The following NAALADL2 variants were observed in gnomAD, a reference collection of about 807,000 sequenced individuals.
NAALADL2 encodes the protein inactive N-acetylated-alpha-linked acidic dipeptidase-like protein 2.
In NAALADL2, 76 loss-of-function variants were observed where a neutral mutation model predicts 87.2. The observed-to-expected ratio is 0.87, with a 90% CI of 0.72 to 1.05. The LOEUF is 1.05. Ranked by LOEUF, NAALADL2 falls within the 50% of genes least tolerant of loss-of-function variation. The probability of loss-of-function intolerance (pLI) is 0.00; values close to 1 mark genes in which losing one functional copy is unlikely to be tolerated. For missense variants in NAALADL2, 1,089 were observed against 945.8 expected, an observed-to-expected ratio of 1.15 and a Z score of -1.99; for synonymous variants, 354 against 331.0, an observed-to-expected ratio of 1.07 and a Z score of -0.75.
At chr3:175,163,387 A>G (rs1733520298) in intron 2 of NAALADL2, among the ~76,000 whole-genome samples, 1 of 152,030 alleles carries the variant, frequency 6.6e-6, no homozygotes, top group African/African-American at 2.4e-5. Flanking sequence ...GTTATAAAGT[A>G]GTTGTTTGCA....
chr3:175,062,266 G>A (rs950892430), intron 1 of NAALADL2, among the ~76,000 whole-genome samples: 2 of 152,138 alleles, frequency 1.3e-5, no homozygotes, highest in African/African-American at 4.8e-5. Flanking sequence ...ATCCTGACAG[G>A]ATTATTGATA....
chr3:175,784,894 G>A (rs374757169), intron 13 of NAALADL2, among the ~76,000 whole-genome samples: 2 of 111,352 alleles, frequency 1.8e-5, no homozygotes, highest in Admixed American at 8.6e-5. Context: ...AGAGATTCTG[G>A]TATGTTGTGT....
At chr3:175,551,166 A>C (rs535024404) in intron 9 of NAALADL2, among the ~76,000 whole-genome samples, 1 of 152,058 alleles carries the variant, frequency 6.6e-6, no homozygotes, top group South Asian at 2.1e-4. Context: ...TGGCTAAGCT[A>C]CAGGCAATAC....
intron 2 of NAALADL2, among the ~76,000 whole-genome samples, chr3:174,597,562 C>T (rs760109753): frequency 2.0e-5 from 3 of 152,132 alleles, no homozygotes; most frequent in Non-Finnish European, 4.4e-5. Context: ...TTCTAGTGAG[C>T]CTTTCCATAT....
rs141504557 is a variant in NAALADL2 at position 175,068,761 on chromosome 3, G to A, written c.44-28029G>A. On this transcript the variant is annotated intron_variant, in intron 1 of 13. Transcript: ENST00000454872. Reference sequence around the variant, plus strand: ...ATTTATTGGTTTGTAAACATTGGTCGAGTTATATTTTAACTCAATAAATAA... The same window carrying A: ...ATTTATTGGTTTGTAAACATTGGTCAAGTTATATTTTAACTCAATAAATAA... 1.5e-3 allele frequency among the ~76,000 whole-genome samples: 232 copies of A among 152,142 alleles called. 1 individual carries two copies. The highest frequency in any genetic ancestry group is 5.1e-3 in the African/African-American group (211 of 41,518).
chr3:175,793,044 C>T (rs746019045), intron 13 of NAALADL2, among the ~76,000 whole-genome samples: 43 of 152,282 alleles, frequency 2.8e-4, no homozygotes, highest in Admixed American at 2.0e-3. Flanking sequence ...ATACCTATTT[C>T]TGAAATAATC....
intron 2 of NAALADL2, among the ~76,000 whole-genome samples, chr3:175,107,668 T>A (rs1723437721): frequency 6.6e-6 from 1 of 151,946 alleles, no homozygotes; most frequent in Admixed American, 6.6e-5. Flanking sequence ...TAGTCAGTCC[T>A]TAGGGTTTAA....
chr3:174,685,167 A>T (rs940302675), intron 2 of NAALADL2, among the ~76,000 whole-genome samples: 17 of 152,106 alleles, frequency 1.1e-4, no homozygotes, highest in African/African-American at 4.1e-4. Flanking sequence ...TCAGCTATCA[A>T]TTGACGTAAG....
chr3:174,531,966 T>C (rs1295774187), intron 1 of NAALADL2, among the ~76,000 whole-genome samples: 3 of 152,338 alleles, frequency 2.0e-5, no homozygotes, highest in Admixed American at 6.5e-5. Flanking sequence ...CCTAGATTTA[T>C]TTAAATCAGT....
At chr3:174,521,869 C>T (rs1720320092) in intron 1 of NAALADL2, among the ~76,000 whole-genome samples, 2 of 152,040 alleles carry the variant, frequency 1.3e-5, no homozygotes, top group Non-Finnish European at 2.9e-5. Flanking sequence ...ACACTAGAAG[C>T]CCAAACCTCA....
At chr3:175,674,874 G>A (rs530359349) in intron 11 of NAALADL2, among the ~76,000 whole-genome samples, 2 of 152,110 alleles carry the variant, frequency 1.3e-5, no homozygotes, top group East Asian at 3.9e-4. Flanking sequence ...CTGTATTTTC[G>A]AGTACGAAAA....
chr3:175,042,939 T>TA (rs888510267), intron 1 of NAALADL2, among the ~76,000 whole-genome samples: 1 of 151,918 alleles, frequency 6.6e-6, no homozygotes, highest in Non-Finnish European at 1.5e-5. Context: ...AGTTGATTCT[T>TA]AAAAAAAGCC....
chr3:175,387,868 C>T (rs1159905383), intron 5 of NAALADL2, among the ~76,000 whole-genome samples: 8 of 152,114 alleles, frequency 5.3e-5, no homozygotes, highest in African/African-American at 1.4e-4. Flanking sequence ...AGAATATTCT[C>T]AACTCTATGA....
At chr3:174,461,439 T>G (rs901542336) in intron 1 of NAALADL2, among the ~76,000 whole-genome samples, 3 of 149,580 alleles carry the variant, frequency 2.0e-5, no homozygotes, top group African/African-American at 7.4e-5. Flanking sequence ...TGGGTAAGAC[T>G]GTGGAACAAA....
chr3:174,541,757 C>T (rs991504296), intron 1 of NAALADL2, among the ~76,000 whole-genome samples: 2 of 152,080 alleles, frequency 1.3e-5, no homozygotes, highest in Admixed American at 6.6e-5. Flanking sequence ...TAGGTACATA[C>T]TTAAGTATTT....
intron 3 of NAALADL2, among the ~76,000 whole-genome samples, chr3:174,783,960 G>T (rs1424662053): frequency 6.6e-6 from 1 of 152,064 alleles, no homozygotes. Flanking sequence ...TGTCTCACTG[G>T]ATATATTAAC....
chr3:175,144,340 G>T (rs1390535477), intron 2 of NAALADL2, among the ~76,000 whole-genome samples: 1 of 151,896 alleles, frequency 6.6e-6, no homozygotes, highest in African/African-American at 2.4e-5. Flanking sequence ...ATCAGCTTTA[G>T]AAAGTCTCCA....
chr3:174,733,965 T>G (rs1024972622), intron 2 of NAALADL2, among the ~76,000 whole-genome samples: 2 of 152,060 alleles, frequency 1.3e-5, no homozygotes, highest in Non-Finnish European at 2.9e-5. Context: ...GAAGAAGAAA[T>G]TCAGGTAAAA....
intron 11 of NAALADL2, among the ~76,000 whole-genome samples, chr3:175,681,291 C>T (rs573944742): frequency 6.6e-6 from 1 of 152,122 alleles, no homozygotes; most frequent in South Asian, 2.1e-4. Flanking sequence ...AAAATAAGTA[C>T]AGTATAATGC....
Sources: allele counts gnomAD v4.1 joint callset (sites outside exome capture counted in the v4.1 genomes callset), GRCh38; gene constraint gnomAD v4.1.1; transcripts MANE v1.5; gene names NCBI Gene and HGNC (gene_info 2026-07-23, HGNC 2026-07-21).